WDR49: variants seen among roughly 807,000 people sequenced by gnomAD.
The protein encoded by WDR49 is WD repeat domain 49.
WDR49 carries 107 observed loss-of-function variants against 119.5 expected under a neutral mutation model. That is an observed-to-expected ratio of 0.90 (90% confidence interval 0.77 to 1.05). The LOEUF is 1.05. Among genes scored for constraint, WDR49 ranks in the 50% least tolerant of loss-of-function variants. The pLI, the probability that WDR49 is intolerant of heterozygous loss-of-function variation, is 0.00. For synonymous variants in WDR49, 425 were observed against 418.8 expected (o/e 1.01, Z -0.18); for missense variants, 1,240 against 1,220.5 (o/e 1.02, Z -0.24).
chr3:167,500,959 A>C (rs1751538177), intron 17 of WDR49, among the ~76,000 whole-genome samples: 2 of 152,240 alleles, frequency 1.3e-5, no homozygotes, highest in Non-Finnish European at 2.9e-5. Flanking sequence ...TCAGTACCTA[A>C]GAAAAGGAAA....
chr3:167,635,836 C>T (rs900251824), intron 2 of WDR49, among the ~76,000 whole-genome samples: 19 of 151,612 alleles, frequency 1.3e-4, no homozygotes, highest in African/African-American at 4.6e-4. Context: ...TTAATAAATA[C>T]ATATTAAAGA....
intron 18 of WDR49, among the ~76,000 whole-genome samples, chr3:167,491,859 A>G (rs1751145688): frequency 6.6e-6 from 1 of 152,170 alleles, no homozygotes; most frequent in Non-Finnish European, 1.5e-5. Flanking sequence ...AGATGTTTCA[A>G]GTTGAAAGGG....
chr3:167,620,754 A>G (rs1358269631), intron 4 of WDR49, among the ~76,000 whole-genome samples, 151 bp from the exon 5 acceptor site: 1 of 152,194 alleles, frequency 6.6e-6, no homozygotes, highest in Admixed American at 6.6e-5. Context: ...ATACTAAAAA[A>G]CAGAACAATT....
intron 2 of WDR49, among the ~76,000 whole-genome samples, chr3:167,652,185 T>C (rs1718417909): frequency 6.6e-6 from 1 of 152,184 alleles, no homozygotes; most frequent in African/African-American, 2.4e-5. Flanking sequence ...GGACAGAGCA[T>C]GTCTTGCTAC....
In WDR49 at chr3:167,635,685, C is replaced by T. The variant is rs74341677; in HGVS notation, c.166-8393G>A. ...CTGTCAAAGGTTGGCAGTGGGTTAG[C>T]ATTTCACTGACCCGAGGTTTACTGC... is the stretch of plus-strand genomic sequence containing the variant. On this transcript the variant is annotated intron_variant, in intron 2 of 18. Coordinates refer to ENST00000682715, the MANE Select transcript of WDR49 (RefSeq NM_001366157.1). Among the ~76,000 whole-genome samples, 3 of 151,712 alleles carry T rather than the reference C, an allele frequency of 2.0e-5. No homozygotes were observed. In the South Asian group the frequency reaches 6.2e-4, roughly 31 times the overall value.
intron 17 of WDR49, among the ~76,000 whole-genome samples, chr3:167,504,712 T>G (rs1470932223): frequency 6.6e-6 from 1 of 152,130 alleles, no homozygotes; most frequent in Non-Finnish European, 1.5e-5. Flanking sequence ...AGGGATGGAA[T>G]GATATAGCCT....
Position 167,535,877 on chromosome 3 carries a change from A to G in WDR49, c.1954+993T>C, listed in dbSNP as rs557711953. On this transcript the variant is annotated intron_variant, in intron 11 of 18. Coordinates refer to ENST00000682715, the MANE Select transcript of WDR49 (RefSeq NM_001366157.1). The stretch of plus-strand genomic sequence containing the variant: ...AATGAATAAAGAAAATGTGGTATAT[A>G]TACACACTGGAATAGTATTCAGCCA... Among the ~76,000 whole-genome samples, 5 of 152,340 alleles carry G rather than the reference A, an allele frequency of 3.3e-5. No homozygotes were observed. The East Asian group carries it at 9.6e-4, about 29-fold the overall frequency.
intron 16 of WDR49, among the ~76,000 whole-genome samples, chr3:167,510,237 G>A (rs898751224): frequency 6.6e-6 from 1 of 152,132 alleles, no homozygotes; most frequent in African/African-American, 2.4e-5. Flanking sequence ...ACAAAAATGA[G>A]CTGGGCATGG....
intron 8 of WDR49, among the ~76,000 whole-genome samples, chr3:167,573,993 G>C (rs1714095505): frequency 6.6e-6 from 1 of 152,212 alleles, no homozygotes; most frequent in African/African-American, 2.4e-5. Context: ...GGGCTCTGCT[G>C]AAATGTGACC....
intron 2 of WDR49, chr3:167,633,439 T>C (rs1316482988): frequency 2.2e-6 from 1 of 456,264 alleles, no homozygotes; most frequent in Admixed American, 2.4e-5. Flanking sequence ...CTTTCACATA[T>C]ACAAGAGCGA....
chr3:167,547,462 G>A (rs773758515), intron 10 of WDR49, among the ~76,000 whole-genome samples: 14 of 151,332 alleles, frequency 9.3e-5, no homozygotes, highest in South Asian at 2.1e-4. Context: ...CACATCTAAC[G>A]TCATGTTTAA....
chr3:167,647,235 T>C (rs759651058), intron 2 of WDR49, among the ~76,000 whole-genome samples: 11 of 152,182 alleles, frequency 7.2e-5, no homozygotes, highest in Non-Finnish European at 1.3e-4. Flanking sequence ...AACAAGCTTT[T>C]CTTGGTTGTC....
intron 8 of WDR49, among the ~76,000 whole-genome samples, chr3:167,564,688 G>C (rs1713483226): frequency 6.6e-6 from 1 of 152,216 alleles, no homozygotes; most frequent in Non-Finnish European, 1.5e-5. Flanking sequence ...GTAGATCGTT[G>C]TTCTGATGAG....
intron 10 of WDR49, among the ~76,000 whole-genome samples, chr3:167,550,369 T>C (rs1712481659): frequency 1.3e-5 from 2 of 152,148 alleles, no homozygotes; most frequent in Non-Finnish European, 2.9e-5. Flanking sequence ...TTTTATTTTG[T>C]TGAGCAGTGG....
rs535132359 is a variant in WDR49, at chr3:167,545,509, T to TATATATATATATATATATATATATATATA, written c.1824-8510_1824-8509insTATATATATATATATATATATATATATAT. 2.2e-3 allele frequency among the ~76,000 whole-genome samples: 238 copies of TATATATATATATATATATATATATATATA among 107,928 alleles called. 8 individuals are homozygous for TATATATATATATATATATATATATATATA. The highest frequency in any genetic ancestry group is 9.3e-3 in the Middle Eastern group (2 of 214). 70.8% of individuals were successfully genotyped at this position (107,928 alleles called of 152,430 possible). On this transcript the variant is annotated intron_variant, in intron 10 of 18. Transcript: ENST00000682715. ...CCATATATATATTATATATTATATA[T>TATATATATATATATATATATATATATATA]TATATATATATATATGCACCCTGGA...
intron 18 of WDR49, among the ~76,000 whole-genome samples, chr3:167,493,316 C>T (rs1245392251): frequency 6.6e-6 from 1 of 152,152 alleles, no homozygotes; most frequent in East Asian, 1.9e-4. Flanking sequence ...GATACCACTC[C>T]ATGAACGGTT....
chr3:167,524,114 T>C (rs1385877492), intron 15 of WDR49, among the ~76,000 whole-genome samples: 1 of 152,200 alleles, frequency 6.6e-6, no homozygotes, highest in African/African-American at 2.4e-5. Flanking sequence ...TGGTATCTCA[T>C]TATGGTTTTG....
At chr3:167,603,060 C>T (rs755696129) in intron 6 of WDR49, among the ~76,000 whole-genome samples, 13 of 152,156 alleles carry the variant, frequency 8.5e-5, no homozygotes, top group East Asian at 1.9e-4. Flanking sequence ...AAGCAATGCA[C>T]GACTGTATGT....
chr3:167,519,781 C>T (rs1752364463), intron 16 of WDR49, among the ~76,000 whole-genome samples: 1 of 151,420 alleles, frequency 6.6e-6, no homozygotes, highest in Admixed American at 6.6e-5. Context: ...ACACATGTAC[C>T]CCAGAAATTA....
Sources: allele counts gnomAD v4.1 joint callset (sites outside exome capture counted in the v4.1 genomes callset), GRCh38; gene constraint gnomAD v4.1.1; transcripts MANE v1.5; gene names NCBI Gene and HGNC (gene_info 2026-07-23, HGNC 2026-07-21).